Variants in IRAK2 observed in about 807,000 individuals in gnomAD.
The protein encoded by IRAK2 is interleukin 1 receptor associated kinase 2.
Under a neutral mutation model 72.0 loss-of-function variants are expected in IRAK2, and 57 were observed. The observed-to-expected ratio is 0.79, with a 90% CI of 0.64 to 0.99. The LOEUF (loss-of-function observed/expected upper bound fraction) is 0.99, where lower values mean the gene tolerates loss of function less well. Among genes scored for constraint, IRAK2 ranks in the 50% least tolerant of loss-of-function variants. The pLI is 0.00. For synonymous variants in IRAK2, 293 were observed against 312.7 expected, an observed-to-expected ratio of 0.94 and a Z score of 0.67; for missense variants, 790 against 794.4, an observed-to-expected ratio of 0.99 and a Z score of 0.07.
chr3:10,233,940 C>G (rs1006686131), intron 10 of IRAK2, among the ~76,000 whole-genome samples: 5 of 152,062 alleles, frequency 3.3e-5, no homozygotes, highest in Non-Finnish European at 7.4e-5. Context: ...CCTCCGCCCC[C>G]CACCTCCCCC....
Position 10,169,897 on chromosome 3 carries a change from C to T in IRAK2, c.94+4849C>T, listed in dbSNP as rs150174795. Among the ~76,000 whole-genome samples the T allele has an allele frequency of 1.3e-3, 198 of 152,202 alleles. 2 individuals are homozygous for T. Among genetic ancestry groups the T allele is most frequent in the African/African-American group, 4.3e-3 (177 of 41,520 alleles). On this transcript the variant is annotated intron_variant, in intron 1 of 12. Coordinates refer to ENST00000256458, the MANE Select transcript of IRAK2 (RefSeq NM_001570.4). ...GTTCAGAGATTGCAGTAAAGACAGA[C>T]GTAAGAAATTATAAAAGTATTAATT...
At chr3:10,170,060 C>A (rs969784380) in intron 1 of IRAK2, among the ~76,000 whole-genome samples, 2 of 152,202 alleles carry the variant, frequency 1.3e-5, no homozygotes, top group Non-Finnish European at 2.9e-5. Context: ...TTTATTATCT[C>A]AGCATTCTGG....
At chr3:10,234,411 C>CGCAGCTCT (rs754755002) in intron 10 of IRAK2, 48 bp from the exon 11 acceptor site, 6 of 1,548,728 alleles carry the variant, frequency 3.9e-6, no homozygotes, top group Non-Finnish European at 5.3e-6. Flanking sequence ...CGTTGGCTCT[C>CGCAGCTCT]GCAGCTCTGC....
At chr3:10,204,134 T>C (rs1209811767) in intron 3 of IRAK2, among the ~76,000 whole-genome samples, 1 of 152,256 alleles carries the variant, frequency 6.6e-6, no homozygotes, top group African/African-American at 2.4e-5. Context: ...TACCAAGTAC[T>C]GCATGTGTCA....
At position 10,178,035 on chromosome 3, in the gene IRAK2, G is replaced by A. The variant is rs773989721; in HGVS notation, c.277+15G>A. ...CATCCTGAACTGTGAGTAACTCAGG[G>A]CCCTCCTTGAGTGGGGCCCATCACG... On this transcript the variant is annotated intron_variant, in intron 2 of 12. Coordinates refer to ENST00000256458, the MANE Select transcript of IRAK2 (RefSeq NM_001570.4). 2 of 1,587,156 alleles carry A rather than the reference G, an allele frequency of 1.3e-6. No homozygotes were observed. Among genetic ancestry groups the A allele is most frequent in the Non-Finnish European group, 8.6e-7 (1 of 1,164,762 alleles).
chr3:10,182,919 C>T (rs1696983770), intron 2 of IRAK2, among the ~76,000 whole-genome samples: 1 of 151,628 alleles, frequency 6.6e-6, no homozygotes, highest in African/African-American at 2.4e-5. Context: ...TATAGGTGTG[C>T]CCCGCTGCAT....
chr3:10,208,411 C>T (rs1697463736), intron 3 of IRAK2, among the ~76,000 whole-genome samples: 1 of 151,370 alleles, frequency 6.6e-6, no homozygotes, highest in African/African-American at 2.4e-5. Context: ...AAGTGATCCT[C>T]ATCCTCCCAA....
chr3:10,231,273 A>C (rs550577856), intron 10 of IRAK2, among the ~76,000 whole-genome samples: 2 of 151,980 alleles, frequency 1.3e-5, no homozygotes, highest in East Asian at 3.9e-4. Flanking sequence ...TTTGTCCCCA[A>C]ATTTTAACCA....
At position 10,218,027 on chromosome 3, in the gene IRAK2, T is replaced by C. The variant is rs9874146; in HGVS notation, c.903+979T>C. Among the ~76,000 whole-genome samples the C allele has an allele frequency of 5.3e-3, 800 of 152,268 alleles. 9 individuals carry two copies. Among genetic ancestry groups the C allele is most frequent in the African/African-American group, 0.018 (738 of 41,568 alleles). On this transcript the variant is annotated intron_variant, in intron 7 of 12. Transcript: ENST00000256458. ...GACAAATGTCAGGCCAGAGCTTACA[T>C]TGGGTTCGTCTGGCTCTAGGTTTCA...
chr3:10,206,543 G>A (rs910515697), intron 3 of IRAK2, among the ~76,000 whole-genome samples: 3 of 152,164 alleles, frequency 2.0e-5, no homozygotes, highest in Admixed American at 6.5e-5. Flanking sequence ...TTTCAGTCTC[G>A]TGAAATAAAA....
chr3:10,186,676 C>T (rs184404025), intron 2 of IRAK2, among the ~76,000 whole-genome samples: 3 of 151,656 alleles, frequency 2.0e-5, no homozygotes, highest in Admixed American at 2.0e-4. Flanking sequence ...AAGGTTAGTA[C>T]CACAGTCTTC....
chr3:10,182,509 CTGACCACG>C (rs1352100675), intron 2 of IRAK2, among the ~76,000 whole-genome samples: 1 of 151,564 alleles, frequency 6.6e-6, no homozygotes, highest in Non-Finnish European at 1.5e-5. Context: ...TCTCGATCTC[CTGACCACG>C]TGATCCGCCC....
At chr3:10,190,288 T>A (rs1180613019) in intron 2 of IRAK2, among the ~76,000 whole-genome samples, 16 of 138,696 alleles carry the variant, frequency 1.2e-4, no homozygotes, top group African/African-American at 3.3e-4. Flanking sequence ...TCTTTTTTTT[T>A]TTTTTTTTGT....
intron 3 of IRAK2, among the ~76,000 whole-genome samples, chr3:10,204,074 T>C (rs1388160756): frequency 1.3e-5 from 2 of 152,234 alleles, no homozygotes; most frequent in Non-Finnish European, 1.5e-5. Flanking sequence ...GGGCTATCAG[T>C]CAGAATCTGT....
At chr3:10,217,586 A>C (rs1380921654) in intron 7 of IRAK2, among the ~76,000 whole-genome samples, 1 of 152,246 alleles carries the variant, frequency 6.6e-6, no homozygotes, top group Non-Finnish European at 1.5e-5. Flanking sequence ...GGAAAGATAC[A>C]CAAGAAACTG....
At chr3:10,210,152 G>C (rs192030671) in intron 4 of IRAK2, among the ~76,000 whole-genome samples, 1 of 152,064 alleles carries the variant, frequency 6.6e-6, no homozygotes, top group Non-Finnish European at 1.5e-5. Context: ...AACTCCTGAC[G>C]TCAGGTGATC....
At chr3:10,228,615 T>A (rs539628333) in intron 10 of IRAK2, among the ~76,000 whole-genome samples, 1 of 152,242 alleles carries the variant, frequency 6.6e-6, no homozygotes, top group Non-Finnish European at 1.5e-5. Flanking sequence ...AACAATTTTT[T>A]AAAATGTAGT....
At chr3:10,198,248 T>C (rs764509092) in intron 2 of IRAK2, among the ~76,000 whole-genome samples, 2 of 152,322 alleles carry the variant, frequency 1.3e-5, no homozygotes, top group South Asian at 4.1e-4. Context: ...AAAATGTCAG[T>C]GACAGTAAAG....
intron 10 of IRAK2, among the ~76,000 whole-genome samples, chr3:10,228,307 G>C (rs77733606): frequency 0.012 from 1,861 of 152,228 alleles, 31 homozygotes; most frequent in African/African-American, 0.042. Context: ...GAGGCTGAAG[G>C]CCTCGCTACT....
Sources: gnomAD v4.1 joint callset for allele counts (sites outside exome capture counted in the v4.1 genomes callset) on GRCh38, gnomAD v4.1.1 for gene constraint, MANE v1.5 for transcripts, NCBI Gene and HGNC (gene_info 2026-07-23, HGNC 2026-07-21) for gene names.